BTBD7: variants seen among roughly 807,000 people sequenced by gnomAD.
BTBD7 encodes the protein BTB domain containing 7.
A neutral mutation model predicts 99.9 loss-of-function variants in BTBD7; 38 were observed. The ratio of observed to expected loss-of-function variants is 0.38; its 90% CI spans 0.29 to 0.50. The LOEUF is 0.50. BTBD7 is among the 20% of genes least tolerant of loss of function. The pLI, the probability that BTBD7 is intolerant of heterozygous loss-of-function variation, is 0.93. For synonymous variants in BTBD7, 520 were observed against 511.4 expected (o/e 1.02, Z -0.23); for missense variants, 1,170 against 1,394.6 (o/e 0.84, Z 2.57).
At chr14:93,244,486 T>G (rs1280717323) in intron 10 of BTBD7, among the ~76,000 whole-genome samples, 1 of 151,922 alleles carries the variant, frequency 6.6e-6, no homozygotes, top group East Asian at 1.9e-4. Context: ...TCATCTCTAC[T>G]AAAAATACAA....
intron 1 of BTBD7, among the ~76,000 whole-genome samples, chr14:93,307,739 C>A (rs1411827234): frequency 6.6e-6 from 1 of 152,198 alleles, no homozygotes; most frequent in East Asian, 1.9e-4. Context: ...ATTCACTATC[C>A]TCTTTCTTCA....
At chr14:93,279,161 C>G (rs1230009235) in intron 3 of BTBD7, among the ~76,000 whole-genome samples, 1 of 152,104 alleles carries the variant, frequency 6.6e-6, no homozygotes, top group Non-Finnish European at 1.5e-5. Context: ...TGTAATCAGG[C>G]CACAAGATTT....
At chr14:93,267,722 T>C (rs2052557058) in intron 3 of BTBD7, among the ~76,000 whole-genome samples, 1 of 152,308 alleles carries the variant, frequency 6.6e-6, no homozygotes, top group South Asian at 2.1e-4. Context: ...ATTGGGTTCT[T>C]CTCCGGATGC....
In BTBD7 at chr14:93,242,171, C is replaced by T. The variant is rs1021315936; in HGVS notation, c.*102G>A. 1.4e-5 allele frequency: 14 copies of T among 1,036,366 alleles called. No individual in the cohort carries two copies. Among genetic ancestry groups the T allele is most frequent in the East Asian group, 1.2e-4 (5 of 40,944 alleles). 64.2% of individuals were successfully genotyped at this position (1,036,366 alleles called of 1,614,324 possible). ...AAACTAGAACAAAATCATGTGAAAC[C>T]GAGTTATCAGCTGGCATTGATGAAC... On this transcript the variant is annotated 3_prime_UTR_variant, in exon 11 of 11. Coordinates refer to ENST00000334746, the MANE Select transcript of BTBD7 (RefSeq NM_001002860.4).
intron 1 of BTBD7, among the ~76,000 whole-genome samples, chr14:93,306,081 T>C (rs2053066213): frequency 6.6e-6 from 1 of 152,184 alleles, no homozygotes; most frequent in African/African-American, 2.4e-5. Context: ...ATAGTAGACA[T>C]CTATAATAAA....
chr14:93,254,868 AC>A (rs1276408813), intron 6 of BTBD7, among the ~76,000 whole-genome samples: 1 of 152,238 alleles, frequency 6.6e-6, no homozygotes, highest in East Asian at 1.9e-4. Context: ...TGTGTTAGGC[AC>A]GGAGTTAAGA....
At chr14:93,317,834 G>T (rs1212438734) in intron 1 of BTBD7, among the ~76,000 whole-genome samples, 1 of 152,186 alleles carries the variant, frequency 6.6e-6, no homozygotes, top group African/African-American at 2.4e-5. Context: ...TGGGAGCTTG[G>T]AATTTGGTAC....
intron 6 of BTBD7, chr14:93,256,346 GT>G (rs1481478839): frequency 6.6e-6 from 1 of 151,792 alleles, no homozygotes; most frequent in Non-Finnish European, 1.5e-5. Flanking sequence ...ATTATATTAA[GT>G]TTATAAGTCA....
chr14:93,253,577 C>CT, intron 7 of BTBD7, 70 bp downstream of exon 7: 1 of 1,402,258 alleles, frequency 7.1e-7, no homozygotes, highest in Non-Finnish European at 9.7e-7. Flanking sequence ...TTAAGTAATA[C>CT]TACAGTGAAC....
chr14:93,296,076 G>A lies in BTBD7; in HGVS notation c.-25C>T, dbSNP rs1174467060. 11 of 1,610,584 alleles carry A rather than the reference G, an allele frequency of 6.8e-6. No homozygotes were observed. The highest frequency in any genetic ancestry group is 1.3e-5 in the African/African-American group (1 of 74,824). On this transcript the variant is annotated 5_prime_UTR_variant, in exon 2 of 11. It adds an upstream start codon to the 5' untranslated region. Transcript: ENST00000334746. ...TTTTCTTCAGTCACTCAGGCATTCC[G>A]TCTGCGGGTTCTTCAGAGTATAATC...
intron 3 of BTBD7, chr14:93,288,822 C>A: frequency 7.0e-7 from 1 of 1,437,452 alleles, no homozygotes; most frequent in South Asian, 1.5e-5. Flanking sequence ...TTGAGCTGTT[C>A]ACCATTTCCA....
At chr14:93,317,249 C>G (rs904791509) in intron 1 of BTBD7, among the ~76,000 whole-genome samples, 1 of 152,140 alleles carries the variant, frequency 6.6e-6, no homozygotes, top group East Asian at 1.9e-4. Flanking sequence ...AAGTGATCTG[C>G]CTGCCTCAGC....
intron 3 of BTBD7, among the ~76,000 whole-genome samples, chr14:93,282,920 T>C (rs1016800732): frequency 6.6e-6 from 1 of 152,214 alleles, no homozygotes; most frequent in East Asian, 1.9e-4. Flanking sequence ...CAAGGTGCAA[T>C]GAAGAACACA....
chr14:93,285,956 T>C (rs1445933960), intron 3 of BTBD7, among the ~76,000 whole-genome samples: 2 of 152,140 alleles, frequency 1.3e-5, no homozygotes, highest in Admixed American at 6.5e-5. Context: ...TCAGTAAACA[T>C]GGACTAAGGA....
At chr14:93,256,959 C>T (rs552382683) in intron 6 of BTBD7, 1 of 471,652 alleles carries the variant, frequency 2.1e-6, no homozygotes, top group South Asian at 4.2e-5. Flanking sequence ...AGAAATAATG[C>T]TCTTGCATGA....
At chr14:93,254,689 C>G (rs146977428) in intron 6 of BTBD7, among the ~76,000 whole-genome samples, 15 of 152,304 alleles carry the variant, frequency 9.8e-5, no homozygotes, top group Admixed American at 9.8e-4. Flanking sequence ...CCTGTTGTTT[C>G]CTGACTGATG....
intron 1 of BTBD7, among the ~76,000 whole-genome samples, chr14:93,324,217 T>A (rs2049780293): frequency 6.6e-6 from 1 of 152,048 alleles, no homozygotes; most frequent in East Asian, 1.9e-4. Flanking sequence ...GGTGGGAGGA[T>A]CACTTGAGAC....
At chr14:93,315,883 C>A (rs1182647041) in intron 1 of BTBD7, among the ~76,000 whole-genome samples, 1 of 151,494 alleles carries the variant, frequency 6.6e-6, no homozygotes, top group African/African-American at 2.4e-5. Context: ...CTGTTACAAA[C>A]ATTTGTACAA....
chr14:93,282,189 G>A (rs1392598693), intron 3 of BTBD7, among the ~76,000 whole-genome samples: 1 of 152,174 alleles, frequency 6.6e-6, no homozygotes, highest in Admixed American at 6.5e-5. Context: ...TGTTTTCACA[G>A]TAACAGCTAA....
Sources: allele counts gnomAD v4.1 joint callset (sites outside exome capture counted in the v4.1 genomes callset), GRCh38; gene constraint gnomAD v4.1.1; transcripts MANE v1.5; gene names NCBI Gene and HGNC (gene_info 2026-07-23, HGNC 2026-07-21).